The following CNKSR2 variants were observed in gnomAD, a reference collection of about 807,000 sequenced individuals.
CNKSR2 encodes the protein connector enhancer of kinase suppressor of Ras 2.
CNKSR2 carries 14 observed loss-of-function variants against 84.4 expected under a neutral mutation model. That is an observed-to-expected ratio of 0.17 (90% CI 0.11 to 0.26). The LOEUF (loss-of-function observed/expected upper bound fraction) is 0.26, where lower values mean the gene tolerates loss of function less well. Ranked by LOEUF, CNKSR2 falls within the 10% of genes least tolerant of loss-of-function variation. The pLI is 1.00. For missense variants in CNKSR2, 485 were observed against 771.2 expected, an observed-to-expected ratio of 0.63 and a Z score of 4.40; for synonymous variants, 275 against 277.9, an observed-to-expected ratio of 0.99 and a Z score of 0.10.
At chrX:21,626,294 A>G (rs1393514233) in intron 20 of CNKSR2, among the ~76,000 whole-genome samples, 3 of 110,485 alleles carry the variant, frequency 2.7e-5, no homozygotes, top group South Asian at 7.8e-4. Context: ...AGACAGGAAG[A>G]AAAACAAAGA....
intron 4 of CNKSR2, among the ~76,000 whole-genome samples, chrX:21,454,916 G>C (rs1045315890): frequency 3.6e-5 from 4 of 111,884 alleles, no homozygotes; most frequent in Admixed American, 2.9e-4. Context: ...GCAAAGTTAT[G>C]TGGCAGTAAG....
intron 1 of CNKSR2, among the ~76,000 whole-genome samples, chrX:21,382,200 C>T (rs2089908454): frequency 9.0e-6 from 1 of 111,562 alleles, no homozygotes; most frequent in Non-Finnish European, 1.9e-5. Flanking sequence ...ATATTGTGTG[C>T]CAGAATACAG....
intron 11 of CNKSR2, among the ~76,000 whole-genome samples, chrX:21,546,319 A>G (rs2092025116): frequency 9.2e-6 from 1 of 108,757 alleles, no homozygotes; most frequent in Admixed American, 1.0e-4. Context: ...AAGAAAGGAT[A>G]TCAGAGATTG....
chrX:21,564,921 A>G (rs1203073722), intron 13 of CNKSR2, among the ~76,000 whole-genome samples: 1 of 111,287 alleles, frequency 9.0e-6, no homozygotes, highest in Admixed American at 9.6e-5. Context: ...TTCCACAGAC[A>G]TTCAGAGTCA....
chrX:21,377,036 A>T (rs768454472), intron 1 of CNKSR2, among the ~76,000 whole-genome samples: 13 of 112,204 alleles, frequency 1.2e-4, no homozygotes, highest in African/African-American at 4.2e-4. Flanking sequence ...TGATTTGAAA[A>T]TTTTTTTTAA....
intron 9 of CNKSR2, among the ~76,000 whole-genome samples, chrX:21,522,716 A>T (rs2091797330): frequency 1.8e-5 from 2 of 110,723 alleles, no homozygotes; most frequent in Non-Finnish European, 3.8e-5. Context: ...GAGGCTTTAA[A>T]GTGAGACCTC....
At chrX:21,379,117 A>C (rs1170102574) in intron 1 of CNKSR2, among the ~76,000 whole-genome samples, 4 of 112,862 alleles carry the variant, frequency 3.5e-5, no homozygotes, top group Non-Finnish European at 7.5e-5. Context: ...TGTAGTGATT[A>C]TATAAAGTCT....
At chrX:21,401,641 T>G (rs2090192757) in intron 1 of CNKSR2, among the ~76,000 whole-genome samples, 1 of 111,903 alleles carries the variant, frequency 8.9e-6, no homozygotes, top group Non-Finnish European at 1.9e-5. Context: ...CATACAGCAA[T>G]CCCTATCTTT....
intron 1 of CNKSR2, among the ~76,000 whole-genome samples, chrX:21,416,384 A>G (rs185660596): frequency 4.1e-4 from 46 of 111,413 alleles, no homozygotes; most frequent in Admixed American, 3.9e-3. Context: ...TTCATCAGAT[A>G]TATTGGCCTG....
At chrX:21,642,334 T>C in intron 20 of CNKSR2, 1 of 749,863 alleles carries the variant, frequency 1.3e-6, no homozygotes, top group Non-Finnish European at 1.6e-6. Flanking sequence ...TGTATACAAG[T>C]GGTGTTGCCT....
intron 8 of CNKSR2, among the ~76,000 whole-genome samples, chrX:21,512,774 G>A (rs1441291214): frequency 9.0e-6 from 1 of 111,364 alleles, no homozygotes; most frequent in African/African-American, 3.3e-5. Context: ...GTTTTGTTTT[G>A]TTTTCTGGTG....
chrX:21,477,100 C>G (rs766366304), intron 5 of CNKSR2, among the ~76,000 whole-genome samples: 2 of 111,692 alleles, frequency 1.8e-5, no homozygotes, highest in African/African-American at 3.3e-5. Context: ...CCCTGCCATT[C>G]TCATTGGTGA....
At chrX:21,477,490 TG>T (rs1314982728) in intron 5 of CNKSR2, among the ~76,000 whole-genome samples, 1 of 111,528 alleles carries the variant, frequency 9.0e-6, no homozygotes, top group Admixed American at 9.6e-5. Flanking sequence ...GTTAAGTATT[TG>T]TTTTATTTCA....
chrX:21,621,805 G>A (rs962374266), intron 20 of CNKSR2, among the ~76,000 whole-genome samples: 1 of 110,681 alleles, frequency 9.0e-6, no homozygotes, highest in Non-Finnish European at 1.9e-5. Context: ...ATTTTAAAAT[G>A]CTTCATTTTT....
chrX:21,517,678 G>A (rs771862193), intron 9 of CNKSR2, among the ~76,000 whole-genome samples: 1 of 109,571 alleles, frequency 9.1e-6, no homozygotes, highest in African/African-American at 3.3e-5. Context: ...TTCACGAAAC[G>A]TACATTTTAA....
Position 21,648,135 on chromosome X carries a change from C to T in CNKSR2, c.2693-696C>T, listed in dbSNP as rs191418972. 1.7e-4 allele frequency among the ~76,000 whole-genome samples: 19 copies of T among 111,373 alleles called. No homozygotes were observed. The East Asian group carries it at 5.1e-3, about 30-fold the overall frequency. On this transcript the variant is annotated intron_variant, in intron 20 of 21. Coordinates refer to ENST00000379510, the MANE Select transcript of CNKSR2 (RefSeq NM_014927.5). ...CTTCTCTTAGCACGTGCCATATTTT[C>T]CCTCTATATTTGCATATAAACATAT...
At chrX:21,577,296 G>T (rs1454737679) in intron 13 of CNKSR2, among the ~76,000 whole-genome samples, 1 of 111,069 alleles carries the variant, frequency 9.0e-6, no homozygotes, top group Admixed American at 9.6e-5. Flanking sequence ...GGTAGAAAAT[G>T]ACTGCCAGGA....
In CNKSR2 at chrX:21,609,342, G is replaced by A. The variant is rs1331333378; in HGVS notation, c.2417G>A (p.Arg806Gln). ...DSAAISPEHR[R>Q]QSTLPTQKCH... ...GCGGCCATCTCCCCAGAGCACAGGC[G>A]GCAGTCTACCCTGCCAACTCAGAAA... The change falls in exon 20 of 22, where the codon CGG (arginine) becomes CAG (glutamine). Residue 806 changes from arginine (R) to glutamine (Q), a missense_variant. By Grantham distance (43) the Arg-to-Gln change is conservative. This residue lies in a region of CNKSR2 where 210 missense variants were observed against 291.5 expected (regional missense o/e 0.72). Coordinates refer to ENST00000379510, the MANE Select transcript of CNKSR2 (RefSeq NM_014927.5). The A allele has an allele frequency of 2.5e-6, 3 of 1,209,782 alleles. No individual in the cohort carries two copies. Among genetic ancestry groups the A allele is most frequent in the Non-Finnish European group, 3.4e-6 (3 of 895,155 alleles).
chrX:21,405,574 T>G (rs926448027), intron 1 of CNKSR2, among the ~76,000 whole-genome samples: 2 of 111,771 alleles, frequency 1.8e-5, no homozygotes, highest in Admixed American at 9.5e-5. Flanking sequence ...GTTGATTTTC[T>G]TGGTATTTCT....
Sources: gnomAD v4.1 joint callset for allele counts (sites outside exome capture counted in the v4.1 genomes callset) on GRCh38, gnomAD v4.1.1 for gene constraint, gnomAD v4.1.1 regional missense constraint, MANE v1.5 for transcripts, NCBI Gene and HGNC (gene_info 2026-07-23, HGNC 2026-07-21) for gene names.